VIRMA: variants seen among roughly 807,000 people sequenced by gnomAD.
VIRMA encodes vir like m6A methyltransferase associated.
In VIRMA, 65 loss-of-function variants were observed where a neutral mutation model predicts 182.4. The ratio of observed to expected loss-of-function variants is 0.36; its 90% confidence interval spans 0.29 to 0.44. The LOEUF (loss-of-function observed/expected upper bound fraction) is 0.44. Among genes scored for constraint, VIRMA ranks in the 20% least tolerant of loss-of-function variants. The pLI is 1.00. For missense variants in VIRMA, 1,752 were observed against 2,158.1 expected (o/e 0.81, Z 3.73); for synonymous variants, 709 against 743.1 (o/e 0.95, Z 0.75).
At chr8:94,552,643 C>T (rs1316183039) in intron 1 of VIRMA, among the ~76,000 whole-genome samples, 1 of 151,952 alleles carries the variant, frequency 6.6e-6, no homozygotes, top group East Asian at 1.9e-4. Flanking sequence ...CTTTAGTTAA[C>T]CAGCTATGTT....
rs550519105 is a variant in VIRMA at position 94,517,978 on chromosome 8, A to G, written c.2514-36T>C. 1.5e-5 allele frequency: 23 copies of G among 1,553,252 alleles called. No homozygotes were observed. The South Asian group carries it at 2.6e-4, about 17-fold the overall frequency. On this transcript the variant is annotated intron_variant, in intron 9 of 23. Coordinates refer to ENST00000297591, the MANE Select transcript of VIRMA (RefSeq NM_015496.5). The stretch of plus-strand genomic sequence containing the variant: ...ATAAGGTTTTTAAGTTTTGGATACA[A>G]AAACAATTTTTTAGGAACAATTTTT...
intron 7 of VIRMA, 85 bp downstream of exon 7, chr8:94,528,985 G>A: frequency 6.5e-7 from 1 of 1,539,588 alleles, no homozygotes; most frequent in Non-Finnish European, 8.8e-7. Context: ...ATTTATCTTT[G>A]CTAGAAATTC....
At chr8:94,528,231 C>CAAA (rs11368037) in intron 7 of VIRMA, among the ~76,000 whole-genome samples, 4 of 91,802 alleles carry the variant, frequency 4.4e-5, no homozygotes, top group African/African-American at 7.5e-5. Context: ...GACTTTGTCT[C>CAAA]AAAAAAAAAA....
chr8:94,512,128 G>T, intron 11 of VIRMA, 39 bp from the exon 12 acceptor site: 1 of 1,049,508 alleles, frequency 9.5e-7, no homozygotes. Context: ...TCGTTTCTTA[G>T]TACCCATGAG....
chr8:94,527,560 T>C (rs968502918), intron 7 of VIRMA, among the ~76,000 whole-genome samples, 197 bp from the exon 8 acceptor site: 1 of 152,238 alleles, frequency 6.6e-6, no homozygotes, highest in African/African-American at 2.4e-5. Flanking sequence ...CTTCTTTTTT[T>C]CCTGAAAGGG....
chr8:94,520,344 A>C (rs1308318602), intron 8 of VIRMA, among the ~76,000 whole-genome samples: 1 of 152,084 alleles, frequency 6.6e-6, no homozygotes, highest in Non-Finnish European at 1.5e-5. Flanking sequence ...AAAATTTTTT[A>C]ATTAGCTGGC....
chr8:94,502,419 T>G lies in VIRMA; in HGVS notation c.4098-2913A>C, dbSNP rs1029374991. 2.6e-5 allele frequency among the ~76,000 whole-genome samples: 4 copies of G among 151,478 alleles called. No individual in the cohort carries two copies. In the East Asian group the frequency reaches 7.7e-4, roughly 29 times the overall value. ...AAAAACATATATATAAATTAATAAA[T>G]TTATTGTTTTAAAATAAATTTTATA... On this transcript the variant is annotated intron_variant, in intron 16 of 23. Coordinates refer to ENST00000297591, the MANE Select transcript of VIRMA (RefSeq NM_015496.5).
chr8:94,535,142 T>C, intron 4 of VIRMA, 135 bp from the exon 5 acceptor site: 2 of 1,329,328 alleles, frequency 1.5e-6, no homozygotes, highest in Non-Finnish European at 2.0e-6. Flanking sequence ...CAACACAAAG[T>C]GAAATTTACC....
At position 94,527,115 on chromosome 8, in the gene VIRMA, C is replaced by A; in HGVS notation, c.1129G>T (p.Gly377Trp). ...AACTTCACTGAGGCTTCGATTGCCC[C>A]TGAATTTTCTTTATCTGGACCTTGA... ...KDQGPDKENS[G>W]AIEASVKLTE... The change falls in exon 8 of 24, where the codon GGG becomes TGG. Residue 377 changes from glycine (G) to tryptophan (W), a missense_variant. By Grantham distance (184) the Gly-to-Trp change is radical. Coordinates refer to ENST00000297591, the MANE Select transcript of VIRMA (RefSeq NM_015496.5). 1 of 1,614,158 alleles carries A rather than the reference C, an allele frequency of 6.2e-7. No individual in the cohort carries two copies. The highest frequency in any genetic ancestry group is 8.5e-7 in the Non-Finnish European group (1 of 1,180,032).
At chr8:94,496,518 G>T (rs1353177519) in intron 17 of VIRMA, 38 bp from the exon 18 acceptor site, 2 of 1,562,156 alleles carry the variant, frequency 1.3e-6, no homozygotes, top group South Asian at 2.3e-5. Context: ...TGAGAACAGA[G>T]AAATTTACAA....
chr8:94,528,062 G>A (rs1043346375), intron 7 of VIRMA, among the ~76,000 whole-genome samples: 10 of 151,832 alleles, frequency 6.6e-5, no homozygotes, highest in East Asian at 3.9e-4. Flanking sequence ...GTGAAACCCT[G>A]ATCTCTACTA....
Position 94,488,696 on chromosome 8 carries a change from A to G in VIRMA, c.*10T>C, listed in dbSNP as rs8117. 0.046 allele frequency: 73,714 copies of G among 1,613,554 alleles called. 1,828 individuals carry two copies. The highest frequency in any genetic ancestry group is 0.062 in the African/African-American group (4,620 of 74,988). ...GTTCATATACAGTTAAGATGTTCCC[A>G]AAAGGATTTTTATCGTGTAAAGGAG... On this transcript the variant is annotated 3_prime_UTR_variant, in exon 24 of 24. Transcript: ENST00000297591.
At chr8:94,552,690 G>A (rs1380258051) in intron 1 of VIRMA, among the ~76,000 whole-genome samples, 5 of 151,966 alleles carry the variant, frequency 3.3e-5, no homozygotes, top group Admixed American at 3.3e-4. Context: ...TACATTAAGG[G>A]GCGCTCAAGT....
intron 20 of VIRMA, among the ~76,000 whole-genome samples, chr8:94,494,187 G>A (rs1813692738): frequency 6.6e-6 from 1 of 152,192 alleles, no homozygotes; most frequent in Non-Finnish European, 1.5e-5. Flanking sequence ...AAATGTGGTG[G>A]CTCACGCCTG....
intron 5 of VIRMA, chr8:94,534,494 A>C (rs1412609223): frequency 1.1e-5 from 3 of 272,124 alleles, no homozygotes; most frequent in Middle Eastern, 1.1e-3. Context: ...ACAGATAGCT[A>C]TCTTGTCAAG....
At position 94,547,549 on chromosome 8, in the gene VIRMA, T is replaced by C. The variant is rs866788259; in HGVS notation, c.64-3607A>G. Among the ~76,000 whole-genome samples, 17 of 151,118 alleles carry C rather than the reference T, an allele frequency of 1.1e-4. No homozygotes were observed. The Middle Eastern group carries it at 0.01, about 91-fold the overall frequency. ...TTTTTCACTTCTGCAGATGAGTTCCTAATTGGTTTCCTGAAGTAATTTTTA... is the reference window on the plus strand; with the variant it reads ...TTTTTCACTTCTGCAGATGAGTTCCCAATTGGTTTCCTGAAGTAATTTTTA... On this transcript the variant is annotated intron_variant, in intron 1 of 23. Transcript: ENST00000297591.
chr8:94,552,903 A>C (rs1816050269), intron 1 of VIRMA, among the ~76,000 whole-genome samples: 1 of 152,134 alleles, frequency 6.6e-6, no homozygotes, highest in Admixed American at 6.6e-5. Context: ...CGTAATCCTA[A>C]ACCAAGTAAG....
intron 16 of VIRMA, among the ~76,000 whole-genome samples, chr8:94,505,510 T>C (rs1814125120): frequency 6.6e-6 from 1 of 152,024 alleles, no homozygotes; most frequent in Non-Finnish European, 1.5e-5. Context: ...TCTCCCTCTG[T>C]TGCCCCGACT....
rs557316611 is a variant in VIRMA at position 94,506,717 on chromosome 8, C to T, written c.3880G>A (p.Asp1294Asn). The T allele has an allele frequency of 6.2e-7, 1 of 1,602,024 alleles. No individual in the cohort carries two copies. The highest frequency in any genetic ancestry group is 2.2e-5 in the East Asian group (1 of 44,706). Residue 1294 changes from aspartate to asparagine, a missense_variant and splice_region_variant, in exon 16 of 24, where the codon GAC (aspartate) becomes AAC (asparagine). Coordinates refer to ENST00000297591, the MANE Select transcript of VIRMA (RefSeq NM_015496.5). ...GAGCTTGGTAAGATAAGTGCAATGT[C>T]CTGTGGGGAGCAGGGAAAAAAAAAT... is the stretch of plus-strand genomic sequence containing the variant. The part of the protein sequence containing the change: ...TSILQSLCDQ[D>N]IALILPSSSE...
Sources: allele counts gnomAD v4.1 joint callset (sites outside exome capture counted in the v4.1 genomes callset), GRCh38; gene constraint gnomAD v4.1.1; transcripts MANE v1.5; gene names NCBI Gene and HGNC (gene_info 2026-07-23, HGNC 2026-07-21).